Variants in GRM7 observed in about 807,000 individuals in gnomAD.
GRM7 encodes the protein glutamate metabotropic receptor 7.
Under a neutral mutation model 84.5 loss-of-function variants are expected in GRM7, and 35 were observed. The observed-to-expected ratio is 0.41, with a 90% CI of 0.32 to 0.55. The LOEUF is 0.55. GRM7 is among the 20% of genes least tolerant of loss of function. GRM7 has a pLI of 0.19. For missense variants in GRM7, 1,003 were observed against 1,194.6 expected (o/e 0.84, Z 2.36); for synonymous variants, 487 against 455.1 (o/e 1.07, Z -0.89).
intron 1 of GRM7, among the ~76,000 whole-genome samples, chr3:7,130,440 G>A (rs1012904619): frequency 7.2e-5 from 11 of 151,954 alleles, no homozygotes; most frequent in African/African-American, 2.4e-4. Context: ...GTACTTGAGA[G>A]GCTGAGGCAG....
At position 7,422,528 on chromosome 3, in the gene GRM7, C is replaced by T. The variant is rs186547516; in HGVS notation, c.1174+7365C>T. 4.2e-3 allele frequency among the ~76,000 whole-genome samples: 646 copies of T among 152,226 alleles called. 2 individuals carry two copies. The highest frequency in any genetic ancestry group is 6.2e-3 in the Admixed American group (95 of 15,280). On this transcript the variant is annotated intron_variant, in intron 5 of 9. Transcript: ENST00000357716. Reference sequence around the variant, plus strand: ...ACCAGCATTTAACTTTTACATATCCCGTTAGTTTCTCCCTTCTCATCTGTC... The same window carrying T: ...ACCAGCATTTAACTTTTACATATCCTGTTAGTTTCTCCCTTCTCATCTGTC...
chr3:7,132,845 T>C (rs776891790), intron 1 of GRM7, among the ~76,000 whole-genome samples: 56 of 151,740 alleles, frequency 3.7e-4, no homozygotes, highest in Non-Finnish European at 6.9e-4. Context: ...TGCACTTTAT[T>C]GTTCACTAAC....
chr3:6,966,596 T>C (rs1280089005), intron 1 of GRM7, among the ~76,000 whole-genome samples: 2 of 152,198 alleles, frequency 1.3e-5, no homozygotes, highest in African/African-American at 4.8e-5. Flanking sequence ...ATACTTACCT[T>C]GCAAATAAAC....
chr3:6,998,803 G>A lies in GRM7; in HGVS notation c.519+136896G>A, dbSNP rs138992365. On this transcript the variant is annotated intron_variant, in intron 1 of 9. Coordinates refer to ENST00000357716, the MANE Select transcript of GRM7 (RefSeq NM_000844.4). ...TTGGCCCCTTTTAGCCAGAGGTAGA[G>A]CAGCTGGGATGCAGGGCACCATGAC... Among the ~76,000 whole-genome samples, 526 of 152,312 alleles carry A rather than the reference G, an allele frequency of 3.5e-3. 2 individuals carry two copies. Among genetic ancestry groups the A allele is most frequent in the African/African-American group, 0.012 (505 of 41,560 alleles).
At chr3:7,006,219 T>C (rs1575121691) in intron 1 of GRM7, among the ~76,000 whole-genome samples, 1 of 152,200 alleles carries the variant, frequency 6.6e-6, no homozygotes, top group East Asian at 1.9e-4. Context: ...ATCATAGCCT[T>C]ATCATTTTTA....
intron 9 of GRM7, among the ~76,000 whole-genome samples, chr3:7,735,200 A>G (rs12630502): frequency 1.3e-5 from 2 of 152,208 alleles, no homozygotes; most frequent in Non-Finnish European, 2.9e-5. Context: ...AGGCACAGAC[A>G]GTGCTTTGAA....
chr3:7,618,386 T>C (rs1470183887), intron 8 of GRM7, among the ~76,000 whole-genome samples: 3 of 152,150 alleles, frequency 2.0e-5, no homozygotes, highest in East Asian at 1.9e-4. Context: ...AAGAAAAATA[T>C]TGTGTCTAGT....
chr3:7,417,265 A>T (rs541209457), intron 5 of GRM7, among the ~76,000 whole-genome samples: 2 of 152,000 alleles, frequency 1.3e-5, no homozygotes. Flanking sequence ...TTCCTTCCTC[A>T]TCACTTTCTT....
At chr3:7,125,181 C>G (rs899911162) in intron 1 of GRM7, among the ~76,000 whole-genome samples, 7 of 152,116 alleles carry the variant, frequency 4.6e-5, no homozygotes, top group Non-Finnish European at 8.8e-5. Context: ...CTCAAGTGTT[C>G]CGCCTCTCTT....
intron 1 of GRM7, among the ~76,000 whole-genome samples, chr3:6,938,474 A>C (rs886922104): frequency 1.1e-4 from 17 of 152,228 alleles, no homozygotes; most frequent in Admixed American, 8.5e-4. Context: ...ATTGAGAAAG[A>C]TGTGCTGGCT....
chr3:7,578,733 G>A lies in GRM7; in HGVS notation c.1827G>A (p.Met609Ile). 6.2e-7 allele frequency: 1 copy of A among 1,614,054 alleles called. No homozygotes were observed. Among genetic ancestry groups the A allele is most frequent in the Non-Finnish European group, 8.5e-7 (1 of 1,179,964 alleles). ...GGATCATTGCCACCATCTTTGTCAT[G>A]GCCACTTTCATCCGCTACAATGACA... ...MLGIIATIFV[M>I]ATFIRYNDTP... is the part of the protein sequence containing the mutation. The change falls in exon 8 of 10, where the codon ATG becomes ATA. Residue 609 changes from methionine (M) to isoleucine (I), a missense_variant. Coordinates refer to ENST00000357716, the MANE Select transcript of GRM7 (RefSeq NM_000844.4).
chr3:7,115,556 G>T (rs76052957), intron 1 of GRM7, among the ~76,000 whole-genome samples: 4,279 of 152,176 alleles, frequency 0.028, 201 homozygotes, highest in African/African-American at 0.096. Flanking sequence ...TAAAAGGCTG[G>T]TGGATGATAA....
intron 8 of GRM7, among the ~76,000 whole-genome samples, chr3:7,656,152 C>T (rs1319849081): frequency 6.6e-6 from 1 of 152,082 alleles, no homozygotes; most frequent in Non-Finnish European, 1.5e-5. Flanking sequence ...TTCTTTCTAT[C>T]CTGTCCATAA....
In GRM7 at chr3:7,483,446, G is replaced by T. The variant is rs368144478; in HGVS notation, c.1515+21724G>T. Among the ~76,000 whole-genome samples, 169 of 152,254 alleles carry T rather than the reference G, an allele frequency of 1.1e-3. 4 individuals are homozygous for T. The South Asian group carries it at 0.031, about 28-fold the overall frequency. ...AAAGCAACAGAGGAGCAGAACCCTC[G>T]AGGCCTGGCATGTCCTAGGGAGTGG... is the stretch of plus-strand genomic sequence containing the variant. On this transcript the variant is annotated intron_variant, in intron 7 of 9. Transcript: ENST00000357716.
At chr3:7,067,545 C>T (rs781743173) in intron 1 of GRM7, among the ~76,000 whole-genome samples, 1 of 152,044 alleles carries the variant, frequency 6.6e-6, no homozygotes, top group Non-Finnish European at 1.5e-5. Context: ...CAAATGGAAA[C>T]ACATCCCATG....
chr3:7,035,307 A>C (rs967318853), intron 1 of GRM7, among the ~76,000 whole-genome samples: 1 of 152,194 alleles, frequency 6.6e-6, no homozygotes, highest in Non-Finnish European at 1.5e-5. Context: ...ATTAGGAAAG[A>C]GAATATTTCA....
At chr3:6,935,501 T>G (rs926195510) in intron 1 of GRM7, among the ~76,000 whole-genome samples, 2 of 151,944 alleles carry the variant, frequency 1.3e-5, no homozygotes, top group Non-Finnish European at 2.9e-5. Context: ...TGACAGTTTC[T>G]GGTTTATTGC....
chr3:7,251,867 C>A (rs190836112), intron 2 of GRM7, among the ~76,000 whole-genome samples: 7 of 152,084 alleles, frequency 4.6e-5, no homozygotes, highest in African/African-American at 1.7e-4. Flanking sequence ...ATGTTGAGAG[C>A]AAATTATCAA....
At chr3:7,139,404 A>G (rs1346275434) in intron 1 of GRM7, among the ~76,000 whole-genome samples, 1 of 151,878 alleles carries the variant, frequency 6.6e-6, no homozygotes, top group Admixed American at 6.6e-5. Context: ...AGTTTTAATT[A>G]CTGCTTAAAG....
Sources: allele counts gnomAD v4.1 joint callset (sites outside exome capture counted in the v4.1 genomes callset), GRCh38; gene constraint gnomAD v4.1.1; transcripts MANE v1.5; gene names NCBI Gene and HGNC (gene_info 2026-07-23, HGNC 2026-07-21).